GLYATL1: variants seen among roughly 807,000 people sequenced by gnomAD.
GLYATL1 encodes the protein glycine-N-acyltransferase like 1.
In GLYATL1, 15 loss-of-function variants were observed where a neutral mutation model predicts 20.0. The ratio of observed to expected loss-of-function variants is 0.75; its 90% CI spans 0.50 to 1.15. The LOEUF (loss-of-function observed/expected upper bound fraction) is 1.15. Among genes scored for constraint, GLYATL1 ranks in the 50% most tolerant of loss-of-function variants. The probability of loss-of-function intolerance (pLI) is 0.00; values close to 1 mark genes in which losing one functional copy is unlikely to be tolerated. For missense variants in GLYATL1, 380 were observed against 368.5 expected (o/e 1.03, Z -0.26); for synonymous variants, 151 against 131.5 (o/e 1.15, Z -1.01).
chr11:58,922,279 C>T (rs952349579), intron 1 of GLYATL1, among the ~76,000 whole-genome samples: 3 of 152,192 alleles, frequency 2.0e-5, no homozygotes, highest in South Asian at 2.1e-4. Flanking sequence ...TTGGATGGTG[C>T]GTTAGGAAGA....
chr11:58,930,556 G>T (rs1855559863), intron 1 of GLYATL1, among the ~76,000 whole-genome samples: 1 of 152,144 alleles, frequency 6.6e-6, no homozygotes, highest in African/African-American at 2.4e-5. Context: ...GTTTAAGAAT[G>T]ATATTTACAA....
upstream of GLYATL1, among the ~76,000 whole-genome samples, chr11:58,935,972 A>G (rs1855816687): frequency 6.6e-6 from 1 of 152,222 alleles, no homozygotes; most frequent in African/African-American, 2.4e-5. Flanking sequence ...ACCATAGAGG[A>G]AAAATACTTT....
chr11:58,907,251 A>C (rs1427401105), exon 2 of GLYATL1: 1 of 456,222 alleles, frequency 2.2e-6, no homozygotes, highest in Non-Finnish European at 4.4e-6. Flanking sequence ...GTCACCCGCC[A>C]GGTTTGTGGC....
At chr11:58,928,906 C>A (rs1855504369) in intron 1 of GLYATL1, among the ~76,000 whole-genome samples, 1 of 152,162 alleles carries the variant, frequency 6.6e-6, no homozygotes, top group African/African-American at 2.4e-5. Context: ...TCAAAGGTTA[C>A]TTAATGGAGG....
At chr11:58,918,647 C>T (rs1169977769) in intron 1 of GLYATL1, among the ~76,000 whole-genome samples, 2 of 152,072 alleles carry the variant, frequency 1.3e-5, no homozygotes, top group Non-Finnish European at 2.9e-5. Flanking sequence ...TTGGCCAAAG[C>T]AACAGAATAA....
intron 1 of GLYATL1, among the ~76,000 whole-genome samples, chr11:58,918,634 G>A (rs1855236055): frequency 6.6e-6 from 1 of 152,112 alleles, no homozygotes; most frequent in South Asian, 2.1e-4. Flanking sequence ...CCAGGGGAGG[G>A]GGTTGGCCAA....
chr11:58,921,638 G>A lies in GLYATL1; in HGVS notation n.264+15977G>A, dbSNP rs116689027. On this transcript the variant is annotated intron_variant and non_coding_transcript_variant, in intron 1 of 2. Transcript: ENST00000534674. ...TGGCCGGCTCTCGAATCCCTTTCCAGACCAGCCTCTTCCATGACCGCATCC... is the reference window on the plus strand; with the variant it reads ...TGGCCGGCTCTCGAATCCCTTTCCAAACCAGCCTCTTCCATGACCGCATCC... Among the ~76,000 whole-genome samples, 850 of 152,190 alleles carry A rather than the reference G, an allele frequency of 5.6e-3. 11 individuals carry two copies. Among genetic ancestry groups the A allele is most frequent in the African/African-American group, 0.019 (804 of 41,502 alleles).
At chr11:58,941,266 CA>C (rs1219392850) in intron 1 of GLYATL1, among the ~76,000 whole-genome samples, 1 of 145,816 alleles carries the variant, frequency 6.9e-6, no homozygotes, top group African/African-American at 2.5e-5. Context: ...GTTCAATTCC[CA>C]TCTATGAGTG....
intron 5 of GLYATL1, 57 bp from the exon 6 acceptor site, chr11:58,955,119 C>A (rs758076056): frequency 6.7e-7 from 1 of 1,489,444 alleles, no homozygotes; most frequent in Non-Finnish European, 9.2e-7. Flanking sequence ...CAGGTGGGAG[C>A]AGTGTAAGTA....
chr11:58,916,687 C>T (rs1855180487), intron 1 of GLYATL1, among the ~76,000 whole-genome samples: 1 of 152,236 alleles, frequency 6.6e-6, no homozygotes, highest in Non-Finnish European at 1.5e-5. Flanking sequence ...GGAGTGACTC[C>T]CCAGTCCTCC....
At chr11:58,918,446 C>A (rs1000622972) in intron 1 of GLYATL1, among the ~76,000 whole-genome samples, 5 of 152,172 alleles carry the variant, frequency 3.3e-5, no homozygotes, top group Admixed American at 3.3e-4. Context: ...GGTTCCTGCA[C>A]TCATAGTAAG....
At chr11:58,946,787 A>G (rs1856595436) in intron 2 of GLYATL1, 1 of 513,790 alleles carries the variant, frequency 1.9e-6, no homozygotes, top group East Asian at 3.5e-5. Context: ...AACTCTTAAT[A>G]TTCACTTTTA....
Position 58,954,843 on chromosome 11 carries a change from A to T in GLYATL1, c.260A>T (p.Glu87Val). ...TCCAAAGAGCCTCAAAAATCAGAAG[A>T]AGTTTTGAAAAATTGTGAGATCGTA... ...MFSKEPQKSE[E>V]VLKNCEIVNW... Residue 87 changes from glutamate to valine, a missense_variant, in exon 5 of 7, where the codon GAA (glutamate) becomes GTA (valine). Transcript: ENST00000532726. The T allele has an allele frequency of 6.2e-7, 1 of 1,613,228 alleles. No individual in the cohort carries two copies. Among genetic ancestry groups the T allele is most frequent in the Non-Finnish European group, 8.5e-7 (1 of 1,179,560 alleles).
chr11:58,910,153 C>G (rs912369223), downstream of GLYATL1, among the ~76,000 whole-genome samples: 11 of 14,674 alleles, frequency 7.5e-4, no homozygotes, highest in Non-Finnish European at 0.012. Context: ...TATTTCCATA[C>G]ATTATGGCTC....
intron 1 of GLYATL1, among the ~76,000 whole-genome samples, chr11:58,929,117 T>C (rs1233048191): frequency 6.6e-6 from 1 of 152,248 alleles, no homozygotes; most frequent in Non-Finnish European, 1.5e-5. Context: ...GCCACCATCC[T>C]GTGTGAATCC....
intron 1 of GLYATL1, among the ~76,000 whole-genome samples, chr11:58,932,457 A>AG: frequency 2.6e-5 from 4 of 152,206 alleles, no homozygotes; most frequent in Non-Finnish European, 5.9e-5. Flanking sequence ...TTTATTGCTC[A>AG]AATCTATTTC....
upstream of GLYATL1, among the ~76,000 whole-genome samples, chr11:58,923,723 C>T (rs1554983735): frequency 6.6e-6 from 1 of 152,146 alleles, no homozygotes; most frequent in Non-Finnish European, 1.5e-5. Context: ...CCCTTGGCTC[C>T]CAGGAGGCTC....
intron 1 of GLYATL1, among the ~76,000 whole-genome samples, chr11:58,939,878 T>C (rs557006260): frequency 6.6e-6 from 1 of 152,206 alleles, no homozygotes; most frequent in African/African-American, 2.4e-5. Context: ...TCCTCTCCAT[T>C]TGAGAAATTC....
At chr11:58,918,340 T>C (rs764123435) in intron 1 of GLYATL1, among the ~76,000 whole-genome samples, 2 of 152,256 alleles carry the variant, frequency 1.3e-5, no homozygotes, top group Non-Finnish European at 2.9e-5. Context: ...AATTTTCACA[T>C]CTTGGCAGTC....
Sources: gnomAD v4.1 joint callset for allele counts (sites outside exome capture counted in the v4.1 genomes callset) on GRCh38, gnomAD v4.1.1 for gene constraint, MANE v1.5 for transcripts, NCBI Gene and HGNC (gene_info 2026-07-23, HGNC 2026-07-21) for gene names.